FREM2: variants seen among roughly 807,000 people sequenced by gnomAD.
The protein encoded by FREM2 is FRAS1 related extracellular matrix 2.
In FREM2, 119 loss-of-function variants were observed where a neutral mutation model predicts 219.9. That is an observed-to-expected ratio of 0.54 (90% CI 0.47 to 0.63). The LOEUF (loss-of-function observed/expected upper bound fraction) is 0.63, where lower values mean the gene tolerates loss of function less well. Ranked by LOEUF, FREM2 falls within the 30% of genes least tolerant of loss-of-function variation. The pLI is 0.00. For synonymous variants in FREM2, 1,562 were observed against 1,522.8 expected (o/e 1.03, Z -0.60); for missense variants, 4,030 against 3,993.6 (o/e 1.01, Z -0.25).
intron 2 of FREM2, among the ~76,000 whole-genome samples, chr13:38,735,516 T>TA (rs754904218): frequency 5.3e-5 from 8 of 152,128 alleles, no homozygotes; most frequent in African/African-American, 1.7e-4. Flanking sequence ...TTATTCTTAG[T>TA]AAAAAAATCA....
intron 2 of FREM2, among the ~76,000 whole-genome samples, chr13:38,701,559 A>G (rs922727569): frequency 6.6e-6 from 1 of 152,078 alleles, no homozygotes; most frequent in African/African-American, 2.4e-5. Flanking sequence ...AAACATTTTT[A>G]TCTGATTCCT....
At chr13:38,704,249 A>G in intron 2 of FREM2, among the ~76,000 whole-genome samples, 1 of 152,214 alleles carries the variant, frequency 6.6e-6, no homozygotes, top group East Asian at 1.9e-4. Context: ...TCAGGTGTCC[A>G]TTGGGGTCTG....
In FREM2 at chr13:38,853,857, T is replaced by C. The variant is rs114523272; in HGVS notation, c.6925+1989T>C. ...GAAAGAAGTGTCTTTTAAATATTGATAACATGACTTTTAACAAAAAATGTT... is the reference window on the plus strand; with the variant it reads ...GAAAGAAGTGTCTTTTAAATATTGACAACATGACTTTTAACAAAAAATGTT... On this transcript the variant is annotated intron_variant, in intron 11 of 23. Transcript: ENST00000280481. Among the ~76,000 whole-genome samples, 923 of 152,284 alleles carry C rather than the reference T, an allele frequency of 6.1e-3. 10 individuals are homozygous for C. The highest frequency in any genetic ancestry group is 0.021 in the African/African-American group (875 of 41,572).
intron 2 of FREM2, among the ~76,000 whole-genome samples, chr13:38,699,995 A>G (rs1468597090): frequency 1.3e-5 from 2 of 152,112 alleles, no homozygotes; most frequent in African/African-American, 4.8e-5. Flanking sequence ...GTCAGGGCAC[A>G]ATGGCATAAA....
chr13:38,878,370 A>C (rs186188444), intron 22 of FREM2, 49 bp downstream of exon 22: 1 of 1,457,824 alleles, frequency 6.9e-7, no homozygotes, highest in East Asian at 2.3e-5. Flanking sequence ...TTCAAAGTTC[A>C]GCCTCCTTGT....
intron 6 of FREM2, among the ~76,000 whole-genome samples, chr13:38,803,184 C>T (rs773595944): frequency 6.6e-6 from 1 of 152,098 alleles, no homozygotes; most frequent in African/African-American, 2.4e-5. Flanking sequence ...TGAATTTGTT[C>T]TCTAAAGCTA....
chr13:38,687,648 G>A lies in FREM2; in HGVS notation c.304G>A (p.Gly102Arg), dbSNP rs1869535237. 1.2e-6 allele frequency: 2 copies of A among 1,606,378 alleles called. No individual in the cohort carries two copies. The highest frequency in any genetic ancestry group is 8.5e-7 in the Non-Finnish European group (1 of 1,176,108). The change falls in exon 1 of 24, where the codon GGG (glycine) becomes AGG (arginine). Residue 102 changes from glycine (G) to arginine (R), a missense_variant. Around this residue, in one of 2 missense-constraint regions of FREM2, gnomAD observed 3,102 missense variants for 2,950.7 expected, o/e 1.05. Transcript: ENST00000280481. Reference sequence around the variant, plus strand: ...TGACCTGGTGTTGCAGGTGCAGCCCGGGGACCGCTGCGCGGTTTCGGTACT... The same window carrying A: ...TGACCTGGTGTTGCAGGTGCAGCCCAGGGACCGCTGCGCGGTTTCGGTACT... ...LHDLVLQVQP[G>R]DRCAVSVLDN... is the part of the protein sequence containing the mutation.
At chr13:38,756,811 G>A (rs1006881848) in intron 2 of FREM2, among the ~76,000 whole-genome samples, 6 of 151,690 alleles carry the variant, frequency 4.0e-5, no homozygotes, top group Admixed American at 3.9e-4. Flanking sequence ...AAAGTGCTGG[G>A]ATTACCGGCG....
rs557791039 is a variant in FREM2, at chr13:38,832,243, G to A, written c.6020-14330G>A. ...CTCACCACGGCACTCCATCCTGAGC[G>A]ACAGAGCAAGACTCTGTCTCAAAAA... is the stretch of plus-strand genomic sequence containing the variant. On this transcript the variant is annotated intron_variant, in intron 6 of 23. Transcript: ENST00000280481. Among the ~76,000 whole-genome samples, 6 of 152,178 alleles carry A rather than the reference G, an allele frequency of 3.9e-5. No homozygotes were observed. In the East Asian group the frequency reaches 1.2e-3, roughly 30 times the overall value.
At chr13:38,773,657 C>T (rs1873760591) in intron 4 of FREM2, among the ~76,000 whole-genome samples, 1 of 152,068 alleles carries the variant, frequency 6.6e-6, no homozygotes, top group Non-Finnish European at 1.5e-5. Context: ...TCTTGAACTC[C>T]TGGCCTCAAG....
chr13:38,768,790 T>C (rs2137813994), intron 3 of FREM2, among the ~76,000 whole-genome samples: 1 of 152,336 alleles, frequency 6.6e-6, no homozygotes, highest in Admixed American at 6.5e-5. Context: ...ATGTACCCTA[T>C]GGTTTGAGTA....
At chr13:38,716,865 A>G (rs986487379) in intron 2 of FREM2, among the ~76,000 whole-genome samples, 2 of 152,166 alleles carry the variant, frequency 1.3e-5, no homozygotes, top group African/African-American at 4.8e-5. Context: ...CTTTACATAC[A>G]TATGTATGTG....
At chr13:38,805,810 A>C (rs762587296) in intron 6 of FREM2, among the ~76,000 whole-genome samples, 12 of 151,914 alleles carry the variant, frequency 7.9e-5, no homozygotes, top group Non-Finnish European at 5.9e-5. Context: ...GAAAATTGTG[A>C]AAATGTGCGG....
chr13:38,761,320 G>T (rs1332292763), intron 2 of FREM2, among the ~76,000 whole-genome samples: 1 of 152,002 alleles, frequency 6.6e-6, no homozygotes. Flanking sequence ...TAGGCTTGCT[G>T]GGACCACAGT....
intron 6 of FREM2, among the ~76,000 whole-genome samples, chr13:38,794,001 C>T (rs939182414): frequency 6.6e-6 from 1 of 152,158 alleles, no homozygotes; most frequent in African/African-American, 2.4e-5. Context: ...GCCTGCTTGA[C>T]TTCAAATGCG....
At chr13:38,805,347 AT>A (rs1279864146) in intron 6 of FREM2, among the ~76,000 whole-genome samples, 1 of 151,882 alleles carries the variant, frequency 6.6e-6, no homozygotes, top group East Asian at 2.0e-4. Context: ...TTGAAAAAAA[AT>A]CTACGTTCAA....
chr13:38,704,085 C>T (rs1566110810), intron 2 of FREM2, among the ~76,000 whole-genome samples: 1 of 152,080 alleles, frequency 6.6e-6, no homozygotes, highest in Non-Finnish European at 1.5e-5. Flanking sequence ...CTGTATTTGC[C>T]AGAACCTAAG....
chr13:38,873,149 A>C (rs1049769030), intron 17 of FREM2, among the ~76,000 whole-genome samples: 1 of 152,150 alleles, frequency 6.6e-6, no homozygotes, highest in African/African-American at 2.4e-5. Context: ...ATTAAATATG[A>C]CTTTATATAT....
chr13:38,726,074 A>G (rs1462755929), intron 2 of FREM2, among the ~76,000 whole-genome samples: 2 of 152,206 alleles, frequency 1.3e-5, no homozygotes, highest in Non-Finnish European at 2.9e-5. Context: ...ACACCATGCC[A>G]TGCAGGGCTC....
Sources: allele counts gnomAD v4.1 joint callset (sites outside exome capture counted in the v4.1 genomes callset), GRCh38; gene constraint gnomAD v4.1.1; regional missense constraint gnomAD v4.1.1; transcripts MANE v1.5; gene names NCBI Gene and HGNC (gene_info 2026-07-23, HGNC 2026-07-21).